TSHZ2: variants seen among roughly 807,000 people sequenced by gnomAD.
TSHZ2 encodes teashirt zinc finger homeobox 2.
TSHZ2 carries 21 observed loss-of-function variants against 74.4 expected under a neutral mutation model. The ratio of observed to expected loss-of-function variants is 0.28; its 90% CI spans 0.20 to 0.41. The LOEUF (loss-of-function observed/expected upper bound fraction) is 0.41, where lower values mean the gene tolerates loss of function less well. Among genes scored for constraint, TSHZ2 ranks in the 10% least tolerant of loss-of-function variants. The pLI is 1.00. For synonymous variants in TSHZ2, 540 were observed against 515.3 expected (o/e 1.05, Z -0.65); for missense variants, 1,244 against 1,293.5 (o/e 0.96, Z 0.59).
At chr20:53,162,226 A>G (rs1222454337) in intron 1 of TSHZ2, among the ~76,000 whole-genome samples, 1 of 152,236 alleles carries the variant, frequency 6.6e-6, no homozygotes, top group African/African-American at 2.4e-5. Flanking sequence ...AAGGAAAAAA[A>G]TAACAAACTT....
chr20:53,385,167 A>C (rs983455116), intron 2 of TSHZ2, among the ~76,000 whole-genome samples: 1 of 152,138 alleles, frequency 6.6e-6, no homozygotes, highest in Admixed American at 6.6e-5. Flanking sequence ...AACATAAAGG[A>C]GTCAACCCAG....
chr20:53,316,515 C>T (rs1220522822), intron 2 of TSHZ2, among the ~76,000 whole-genome samples: 1 of 150,968 alleles, frequency 6.6e-6, no homozygotes, highest in East Asian at 1.9e-4. Context: ...ACAGCAGCCT[C>T]GAAGACTGAT....
intron 1 of TSHZ2, among the ~76,000 whole-genome samples, chr20:53,034,489 G>T (rs2123073080): frequency 6.6e-6 from 1 of 152,330 alleles, no homozygotes; most frequent in Admixed American, 6.5e-5. Flanking sequence ...GGGAGATGAC[G>T]AACTGGTGGG....
chr20:53,147,118 ATTC>A (rs1229682107), intron 1 of TSHZ2, among the ~76,000 whole-genome samples: 1 of 151,422 alleles, frequency 6.6e-6, no homozygotes, highest in Non-Finnish European at 1.5e-5. Context: ...TTTGTTTTTT[ATTC>A]TTTGTGATCT....
At chr20:53,329,293 C>T (rs955872261) in intron 2 of TSHZ2, among the ~76,000 whole-genome samples, 5 of 152,284 alleles carry the variant, frequency 3.3e-5, no homozygotes, top group Admixed American at 3.3e-4. Context: ...CAACTCAAAG[C>T]TTTGGGAAGC....
intron 2 of TSHZ2, among the ~76,000 whole-genome samples, chr20:53,282,395 G>T (rs1314552928): frequency 6.6e-6 from 1 of 152,226 alleles, no homozygotes; most frequent in Non-Finnish European, 1.5e-5. Context: ...CAGTGAGGGA[G>T]AGGGAACTGG....
intron 1 of TSHZ2, among the ~76,000 whole-genome samples, chr20:53,235,139 G>T (rs1315357600): frequency 9.8e-4 from 33 of 33,684 alleles, no homozygotes; most frequent in African/African-American, 3.0e-3. Flanking sequence ...GGGCGGGGCG[G>T]GGGGGGGGGA....
At chr20:53,366,020 T>C (rs1478446086) in intron 2 of TSHZ2, among the ~76,000 whole-genome samples, 1 of 152,208 alleles carries the variant, frequency 6.6e-6, no homozygotes, top group Non-Finnish European at 1.5e-5. Flanking sequence ...CAGTTCCCTT[T>C]CCTCAAAGGC....
At position 53,480,105 on chromosome 20, in the gene TSHZ2, G is replaced by A. The variant is rs148079880; in HGVS notation, c.*9-7039G>A. Among the ~76,000 whole-genome samples the A allele has an allele frequency of 7.5e-3, 998 of 133,094 alleles. 13 individuals carry two copies. Among genetic ancestry groups the A allele is most frequent in the African/African-American group, 0.026 (952 of 35,988 alleles). 87.3% of individuals were successfully genotyped at this position (133,094 alleles called of 152,430 possible). ...TTTTTTGAGATGGAGTTTCACTCTTGTTGCCCAGGCTAGAGTGCAACGATG... is the reference window on the plus strand; with the variant it reads ...TTTTTTGAGATGGAGTTTCACTCTTATTGCCCAGGCTAGAGTGCAACGATG... On this transcript the variant is annotated intron_variant, in intron 2 of 2. Coordinates refer to ENST00000371497, the MANE Select transcript of TSHZ2 (RefSeq NM_173485.6).
intron 2 of TSHZ2, among the ~76,000 whole-genome samples, chr20:53,268,151 G>A (rs993144495): frequency 5.9e-5 from 9 of 152,224 alleles, no homozygotes; most frequent in Non-Finnish European, 1.0e-4. Context: ...GGCAGGGGGC[G>A]GGCATTTGGA....
At chr20:53,080,463 C>G (rs1985497187) in intron 1 of TSHZ2, among the ~76,000 whole-genome samples, 1 of 152,158 alleles carries the variant, frequency 6.6e-6, no homozygotes, top group South Asian at 2.1e-4. Flanking sequence ...TTTAGAGCAA[C>G]AGTCCCCAAC....
chr20:52,991,047 G>C (rs1981966197), intron 1 of TSHZ2, among the ~76,000 whole-genome samples: 1 of 152,222 alleles, frequency 6.6e-6, no homozygotes, highest in South Asian at 2.1e-4. Flanking sequence ...GATTGAACAT[G>C]TGTGATGTAT....
At chr20:53,463,481 GAGAGGAAAGAA>G (rs907961776) in intron 2 of TSHZ2, among the ~76,000 whole-genome samples, 2 of 131,820 alleles carry the variant, frequency 1.5e-5, no homozygotes, top group African/African-American at 5.5e-5. Context: ...AGGGGGTAGG[GAGAGGAAAGAA>G]AGAGAGAAGG....
chr20:52,976,942 G>A (rs1341984879), intron 1 of TSHZ2, among the ~76,000 whole-genome samples: 1 of 152,182 alleles, frequency 6.6e-6, no homozygotes, highest in Non-Finnish European at 1.5e-5. Context: ...ATTTAATATG[G>A]AGATGAATAA....
chr20:53,123,659 G>T (rs932423157), intron 1 of TSHZ2, among the ~76,000 whole-genome samples: 3 of 151,400 alleles, frequency 2.0e-5, no homozygotes, highest in Non-Finnish European at 1.5e-5. Flanking sequence ...CAAGCCTACA[G>T]TCAGAGTAGG....
At chr20:53,248,321 C>T (rs368087496) in intron 1 of TSHZ2, among the ~76,000 whole-genome samples, 1 of 151,956 alleles carries the variant, frequency 6.6e-6, no homozygotes, top group East Asian at 1.9e-4. Context: ...AATCCTCATG[C>T]CTCAGTTTCC....
At chr20:53,069,588 A>C (rs1160844358) in intron 1 of TSHZ2, among the ~76,000 whole-genome samples, 3 of 152,024 alleles carry the variant, frequency 2.0e-5, no homozygotes, top group African/African-American at 7.2e-5. Context: ...ACGGGTTAAC[A>C]AAATCCCTTG....
chr20:53,162,289 G>T (rs1293403), intron 1 of TSHZ2, among the ~76,000 whole-genome samples: 3 of 151,960 alleles, frequency 2.0e-5, no homozygotes, highest in Admixed American at 2.0e-4. Context: ...AATTTGGCCC[G>T]GCCAGGGATG....
chr20:53,489,300 G>A lies in TSHZ2; in HGVS notation c.*2165G>A. The A allele has an allele frequency of 2.4e-6, 1 of 412,288 alleles. No individual in the cohort carries two copies. Among genetic ancestry groups the A allele is most frequent in the Admixed American group, 2.6e-5 (1 of 38,016 alleles). The allele number at this position is 412,288 out of a possible 1,614,324, so 25.5% of individuals were successfully genotyped here. Reference sequence around the variant, plus strand: ...TTGCTTAACCTATTCAACCAGAAATGAATGGAGCTCGACTGGAAAGGAACA... The same window carrying A: ...TTGCTTAACCTATTCAACCAGAAATAAATGGAGCTCGACTGGAAAGGAACA... On this transcript the variant is annotated 3_prime_UTR_variant, in exon 3 of 3. Coordinates refer to ENST00000371497, the MANE Select transcript of TSHZ2 (RefSeq NM_173485.6).
Sources: gnomAD v4.1 joint callset for allele counts (sites outside exome capture counted in the v4.1 genomes callset) on GRCh38, gnomAD v4.1.1 for gene constraint, MANE v1.5 for transcripts, NCBI Gene and HGNC (gene_info 2026-07-23, HGNC 2026-07-21) for gene names.